The following PDGFRB variants were observed in gnomAD, a reference collection of about 807,000 sequenced individuals.
PDGFRB encodes platelet derived growth factor receptor beta.
Under a neutral mutation model 120.2 loss-of-function variants are expected in PDGFRB, and 42 were observed. That is an observed-to-expected ratio of 0.35 (90% CI 0.27 to 0.45). The LOEUF (loss-of-function observed/expected upper bound fraction) is 0.45, where lower values mean the gene tolerates loss of function less well. Ranked by LOEUF, PDGFRB falls within the 20% of genes least tolerant of loss-of-function variation. The pLI, the probability that PDGFRB is intolerant of heterozygous loss-of-function variation, is 1.00. For missense variants in PDGFRB, 1,149 were observed against 1,476.3 expected, an observed-to-expected ratio of 0.78 and a Z score of 3.63; for synonymous variants, 586 against 606.8, an observed-to-expected ratio of 0.97 and a Z score of 0.50.
intron 1 of PDGFRB, among the ~76,000 whole-genome samples, chr5:150,141,891 C>T (rs1760794621): frequency 6.6e-6 from 1 of 151,686 alleles, no homozygotes; most frequent in Admixed American, 6.6e-5. Flanking sequence ...ACTGAGGGGA[C>T]AGTGGGATGT....
chr5:150,125,667 G>T, intron 11 of PDGFRB, 90 bp from the exon 12 acceptor site: 1 of 1,270,838 alleles, frequency 7.9e-7, no homozygotes, highest in South Asian at 1.4e-5. Flanking sequence ...CATGGGGCAG[G>T]AGACCCTGAG....
intron 1 of PDGFRB, among the ~76,000 whole-genome samples, chr5:150,140,647 G>T (rs912396805): frequency 6.6e-6 from 1 of 151,916 alleles, no homozygotes; most frequent in Admixed American, 6.6e-5. Flanking sequence ...AGAGGAGTGG[G>T]GGGCCCCAAG....
At position 150,124,108 on chromosome 5, in the gene PDGFRB, C is replaced by T. The variant is rs55782326; in HGVS notation, c.2023+142G>A. On this transcript the variant is annotated intron_variant, in intron 14 of 22. Coordinates refer to ENST00000261799, the MANE Select transcript of PDGFRB (RefSeq NM_002609.4). Reference sequence around the variant, plus strand: ...TAAACCCCACCGCCCTCTGGGACCGCGCAGTGAGGGCGCTGGAGCGGGTGG... The same window carrying T: ...TAAACCCCACCGCCCTCTGGGACCGTGCAGTGAGGGCGCTGGAGCGGGTGG... 5.3e-3 allele frequency: 2,754 copies of T among 518,042 alleles called. 9 individuals are homozygous for T. The highest frequency in any genetic ancestry group is 6.9e-3 in the Non-Finnish European group (1,979 of 286,922). 32.1% of individuals were successfully genotyped at this position (518,042 alleles called of 1,614,324 possible). A position where few individuals can be genotyped will look rare whatever the true frequency, so the allele number is the denominator to read the frequency against.
intron 2 of PDGFRB, among the ~76,000 whole-genome samples, chr5:150,136,250 C>G (rs1760628179): frequency 6.6e-6 from 1 of 152,348 alleles, no homozygotes; most frequent in Non-Finnish European, 1.5e-5. Context: ...CTCTCTGCCC[C>G]CTCCCCCGAC....
At position 150,133,733 on chromosome 5, in the gene PDGFRB, C is replaced by A; in HGVS notation, c.787G>T (p.Asp263Tyr). The A allele has an allele frequency of 6.2e-7, 1 of 1,614,128 alleles. No homozygotes were observed. Among genetic ancestry groups the A allele is most frequent in the Admixed American group, 1.7e-5 (1 of 60,022 alleles). The change falls in exon 6 of 23, where the codon GAC becomes TAC. Residue 263 changes from aspartate (D) to tyrosine (Y), a missense_variant. Asp to Tyr is a radical substitution (Grantham distance 160). Coordinates refer to ENST00000261799, the MANE Select transcript of PDGFRB (RefSeq NM_002609.4). ...ESGRLVEPVT[D>Y]FLLDMPYHIR... ...TGGTAAGGCATATCCAAGAGGAAGT[C>A]AGTCACCGGCTCCACCAGCCGCCCA... is the stretch of plus-strand genomic sequence containing the variant.
At chr5:150,146,029 G>C (rs1043748824) in intron 1 of PDGFRB, among the ~76,000 whole-genome samples, 1 of 152,140 alleles carries the variant, frequency 6.6e-6, no homozygotes. Context: ...TTTTCACAGA[G>C]CCCTACAGTC....
At position 150,132,931 on chromosome 5, in the gene PDGFRB, C is replaced by T. The variant is rs41287112; in HGVS notation, c.946G>A (p.Val316Met). ...INITVVESGYVRLLGEVGTLQ... is the reference protein window; with the variant it reads ...INITVVESGYMRLLGEVGTLQ... Reference sequence around the variant, plus strand: ...GTGCCCACCTCTCCCAGGAGCCGCACGTAGCCGCTCTCTGCAAGGGGTGAC... The same window carrying T: ...GTGCCCACCTCTCCCAGGAGCCGCATGTAGCCGCTCTCTGCAAGGGGTGAC... Residue 316 changes from valine (V) to methionine (M), a missense_variant, in exon 7 of 23, where the codon GTG becomes ATG. Around this residue, in one of 3 missense-constraint regions of PDGFRB, gnomAD observed 879 missense variants for 1,108.6 expected, o/e 0.79. Coordinates refer to ENST00000261799, the MANE Select transcript of PDGFRB (RefSeq NM_002609.4). This position sits in a 1 kb window ranked among gnomAD's most constrained non-coding sequence, Gnocchi z 5.0. The T allele has an allele frequency of 3.3e-3, 5,136 of 1,560,448 alleles. 22 individuals are homozygous for T. The highest frequency in any genetic ancestry group is 3.6e-3 in the Non-Finnish European group (4,101 of 1,153,154).
At chr5:150,148,551 A>C (rs1416202646) in intron 1 of PDGFRB, among the ~76,000 whole-genome samples, 1 of 152,264 alleles carries the variant, frequency 6.6e-6, no homozygotes, top group African/African-American at 2.4e-5. Context: ...CATCCAGGGC[A>C]GGGATGGGAG....
intron 22 of PDGFRB, 87 bp downstream of exon 22, chr5:150,117,524 GGCAGCGC>G: frequency 1.4e-6 from 1 of 695,788 alleles, no homozygotes; most frequent in Non-Finnish European, 2.5e-6. Context: ...AGGCAAACCT[GGCAGCGC>G]GCGCGCGCGC....
In PDGFRB at chr5:150,125,591, C is replaced by A. The variant is rs1271424199; in HGVS notation, c.1675-14G>T. 1 of 1,613,544 alleles carries A rather than the reference C, an allele frequency of 6.2e-7. No individual in the cohort carries two copies. The highest frequency in any genetic ancestry group is 8.5e-7 in the Non-Finnish European group (1 of 1,179,556). On this transcript the variant is annotated splice_polypyrimidine_tract_variant and intron_variant, in intron 11 of 22. Transcript: ENST00000261799. ...GTAACGTGGCTTCTGGAGGACCAACCCCAGGAATTAGTTATCAGAGGGAGT... is the reference window on the plus strand; with the variant it reads ...GTAACGTGGCTTCTGGAGGACCAACACCAGGAATTAGTTATCAGAGGGAGT...
intron 1 of PDGFRB, among the ~76,000 whole-genome samples, chr5:150,144,638 C>G (rs963597323): frequency 5.9e-5 from 9 of 152,242 alleles, no homozygotes; most frequent in Non-Finnish European, 1.0e-4. Flanking sequence ...GTGGGGGCAG[C>G]GATGCGGCTG....
intron 1 of PDGFRB, among the ~76,000 whole-genome samples, chr5:150,141,448 C>T (rs559141453): frequency 6.6e-6 from 1 of 152,326 alleles, no homozygotes; most frequent in Admixed American, 6.5e-5. Flanking sequence ...TTCCATTTTA[C>T]AGTGGGGAAA....
At chr5:150,138,807 T>G (rs909994903) in intron 1 of PDGFRB, among the ~76,000 whole-genome samples, 1 of 152,192 alleles carries the variant, frequency 6.6e-6, no homozygotes, top group Non-Finnish European at 1.5e-5. Flanking sequence ...GGCTGCCCCC[T>G]TCCTGCTAGA....
At chr5:150,124,681 G>A (rs1349576989) in intron 13 of PDGFRB, 46 bp downstream of exon 13, 1 of 901,854 alleles carries the variant, frequency 1.1e-6, no homozygotes, top group Non-Finnish European at 1.8e-6. Context: ...GGGAGGGGCA[G>A]GGAGAGGTGA....
At chr5:150,138,934 A>G (rs1023350169) in intron 1 of PDGFRB, among the ~76,000 whole-genome samples, 8 of 152,312 alleles carry the variant, frequency 5.3e-5, no homozygotes, top group African/African-American at 1.9e-4. Context: ...CTAAAGGAGG[A>G]ATTTGGCCGG....
At chr5:150,148,963 C>G (rs1372621154) in intron 1 of PDGFRB, among the ~76,000 whole-genome samples, 2 of 152,112 alleles carry the variant, frequency 1.3e-5, no homozygotes, top group Non-Finnish European at 2.9e-5. Context: ...GGCTCTTCAG[C>G]AAACAGGTAG....
At position 150,114,805 on chromosome 5, in the gene PDGFRB, C is replaced by T. The variant is rs1392462539; in HGVS notation, c.*958G>A. 1.3e-5 allele frequency: 3 copies of T among 233,568 alleles called. No individual in the cohort carries two copies. Among genetic ancestry groups the T allele is most frequent in the Non-Finnish European group, 2.5e-5 (3 of 118,040 alleles). The allele number at this position is 233,568 out of a possible 1,614,324, so 14.5% of individuals were successfully genotyped here. ...AGGCACTCAGAGTTAATAAGTCCGA[C>T]TTATTCATTTTTTGAAGGGGAAACT... On this transcript the variant is annotated 3_prime_UTR_variant, in exon 23 of 23. Coordinates refer to ENST00000261799, the MANE Select transcript of PDGFRB (RefSeq NM_002609.4).
At position 150,123,158 on chromosome 5, in the gene PDGFRB, C is replaced by G; in HGVS notation, c.2067G>C (p.Leu689=). 1.2e-6 allele frequency: 2 copies of G among 1,613,798 alleles called. No homozygotes were observed. Among genetic ancestry groups the G allele is most frequent in the East Asian group, 2.2e-5 (1 of 44,872 alleles). The stretch of plus-strand genomic sequence containing the variant: ...GTTTGTTGCGGTGCAGGTAGTCCAC[C>G]AGGTCTCCGTAGCGGCAGTACTCAG... ...IITEYCRYGD[L]VDYLHRNKHT... Residue 689 remains leucine (L), a synonymous_variant, in exon 15 of 23, where the codon CTG becomes CTC. Transcript: ENST00000261799.
At position 150,114,914 on chromosome 5, in the gene PDGFRB, G is replaced by T. The variant is rs952339917; in HGVS notation, c.*849C>A. The T allele has an allele frequency of 4.3e-6, 1 of 233,104 alleles. No individual in the cohort carries two copies. The highest frequency in any genetic ancestry group is 2.2e-5 in the African/African-American group (1 of 45,316). The allele number at this position is 233,104 out of a possible 1,614,324, so 14.4% of individuals were successfully genotyped here. A position where few individuals can be genotyped will look rare whatever the true frequency, so the allele number is the denominator to read the frequency against. On this transcript the variant is annotated 3_prime_UTR_variant, in exon 23 of 23. Coordinates refer to ENST00000261799, the MANE Select transcript of PDGFRB (RefSeq NM_002609.4). ...CAGGGCCATATACTGGCACACACAC[G>T]TGGCCACTCCACACTGGCACATTTA...
Sources: gnomAD v4.1 joint callset for allele counts (sites outside exome capture counted in the v4.1 genomes callset) on GRCh38, gnomAD v4.1.1 for gene constraint, gnomAD v4.1.1 regional missense constraint, Gnocchi (gnomAD v3.1) non-coding constraint, MANE v1.5 for transcripts, NCBI Gene and HGNC (gene_info 2026-07-23, HGNC 2026-07-21) for gene names.